CDH12: variants seen among roughly 807,000 people sequenced by gnomAD.
The protein encoded by CDH12 is cadherin 12.
A neutral mutation model predicts 74.1 loss-of-function variants in CDH12; 41 were observed. That is an observed-to-expected ratio of 0.55 (90% confidence interval 0.43 to 0.72). CDH12 has a LOEUF of 0.72. Among genes scored for constraint, CDH12 ranks in the 30% least tolerant of loss-of-function variants. The pLI is 0.00. For missense variants in CDH12, 945 were observed against 977.2 expected (o/e 0.97, Z 0.44); for synonymous variants, 399 against 355.0 (o/e 1.12, Z -1.39).
chr5:22,689,511 A>T (rs1741973330), intron 1 of CDH12, among the ~76,000 whole-genome samples: 1 of 152,172 alleles, frequency 6.6e-6, no homozygotes, highest in Admixed American at 6.6e-5. Flanking sequence ...TAAAATTGGA[A>T]GATCCTTCCC....
intron 2 of CDH12, among the ~76,000 whole-genome samples, chr5:22,443,165 G>A (rs1018083327): frequency 3.3e-5 from 5 of 152,132 alleles, no homozygotes; most frequent in Admixed American, 2.0e-4. Context: ...CAAAGTAAGA[G>A]TCTAGATAAA....
At chr5:22,561,107 G>A (rs1739028371) in intron 1 of CDH12, among the ~76,000 whole-genome samples, 1 of 151,954 alleles carries the variant, frequency 6.6e-6, no homozygotes, top group South Asian at 2.1e-4. Flanking sequence ...GAAAAATAAA[G>A]GTTTTGAACT....
intron 5 of CDH12, among the ~76,000 whole-genome samples, chr5:22,011,483 G>A (rs1261139287): frequency 6.6e-6 from 1 of 152,128 alleles, no homozygotes; most frequent in African/African-American, 2.4e-5. Context: ...CAAAACAATT[G>A]TGTGTATGTC....
At chr5:22,564,752 T>A (rs1300115218) in intron 1 of CDH12, among the ~76,000 whole-genome samples, 4 of 152,214 alleles carry the variant, frequency 2.6e-5, no homozygotes, top group African/African-American at 9.6e-5. Flanking sequence ...TAACTTTGTT[T>A]CACTGTGTGC....
Position 22,220,501 on chromosome 5 carries a change from A to G in CDH12, c.-332-7858T>C, listed in dbSNP as rs1166799165. ...ATACATTTTTAAAGGAAGATTATTC[A>G]TCATGAGAAACTAAATTTTTTTTTC... is the stretch of plus-strand genomic sequence containing the variant. On this transcript the variant is annotated intron_variant, in intron 3 of 14. Transcript: ENST00000382254. Among the ~76,000 whole-genome samples, 7 of 151,740 alleles carry G rather than the reference A, an allele frequency of 4.6e-5. No homozygotes were observed. In the East Asian group the frequency reaches 1.3e-3, roughly 29 times the overall value.
At chr5:21,930,155 G>C (rs946953965) in intron 6 of CDH12, among the ~76,000 whole-genome samples, 2 of 152,160 alleles carry the variant, frequency 1.3e-5, no homozygotes, top group Non-Finnish European at 2.9e-5. Context: ...TGGACAAAGA[G>C]GGCTGGCTTC....
chr5:22,239,753 T>C (rs560374008), intron 3 of CDH12, among the ~76,000 whole-genome samples: 13 of 152,332 alleles, frequency 8.5e-5, no homozygotes, highest in African/African-American at 2.6e-4. Context: ...CAAATTACTA[T>C]ATCAAGTAGT....
Position 21,876,554 on chromosome 5 carries a change from C to G in CDH12, c.527-21764G>C, listed in dbSNP as rs192476331. On this transcript the variant is annotated intron_variant, in intron 6 of 14. Coordinates refer to ENST00000382254, the MANE Select transcript of CDH12 (RefSeq NM_004061.5). ...CATCTGGTATAGTCTCTTTCATTGACTAAACATTTCTACAATGTTTTCCTT... is the reference window on the plus strand; with the variant it reads ...CATCTGGTATAGTCTCTTTCATTGAGTAAACATTTCTACAATGTTTTCCTT... 1.1e-3 allele frequency among the ~76,000 whole-genome samples: 163 copies of G among 152,326 alleles called. 1 individual carries two copies. The highest frequency in any genetic ancestry group is 9.8e-3 in the Admixed American group (150 of 15,308).
At chr5:22,781,151 G>A (rs1747366249) in intron 1 of CDH12, among the ~76,000 whole-genome samples, 1 of 152,094 alleles carries the variant, frequency 6.6e-6, no homozygotes, top group African/African-American at 2.4e-5. Flanking sequence ...TATAAAGTGT[G>A]CATTCCAATT....
chr5:22,340,791 G>A (rs1023759823), intron 3 of CDH12, among the ~76,000 whole-genome samples: 5 of 151,974 alleles, frequency 3.3e-5, no homozygotes, highest in Admixed American at 1.3e-4. Flanking sequence ...TCTCTGGGAG[G>A]TTTTCCTTCT....
intron 4 of CDH12, among the ~76,000 whole-genome samples, chr5:22,161,760 A>G (rs1361525089): frequency 1.3e-5 from 2 of 152,156 alleles, no homozygotes; most frequent in Non-Finnish European, 2.9e-5. Flanking sequence ...GGAAAAGAAA[A>G]AAATCCAAAC....
intron 5 of CDH12, among the ~76,000 whole-genome samples, chr5:22,031,804 T>A (rs2150173726): frequency 6.6e-6 from 1 of 152,134 alleles, no homozygotes; most frequent in East Asian, 1.9e-4. Context: ...ATGGGCACAG[T>A]TTATGGAGCC....
chr5:22,057,488 T>C (rs1301916481), intron 5 of CDH12, among the ~76,000 whole-genome samples: 2 of 152,044 alleles, frequency 1.3e-5, no homozygotes, highest in Non-Finnish European at 2.9e-5. Context: ...AGATTCTTTA[T>C]CCAAACTCAA....
intron 6 of CDH12, among the ~76,000 whole-genome samples, chr5:21,953,293 T>C (rs1755948159): frequency 6.6e-6 from 1 of 152,162 alleles, no homozygotes; most frequent in Non-Finnish European, 1.5e-5. Flanking sequence ...AACCCACTTA[T>C]GACGTACAAG....
At chr5:22,706,383 T>C (rs1015270902) in intron 1 of CDH12, among the ~76,000 whole-genome samples, 2 of 152,100 alleles carry the variant, frequency 1.3e-5, no homozygotes, top group African/African-American at 4.8e-5. Context: ...CATAATTCAT[T>C]CATAAATCAT....
At chr5:22,553,003 A>C (rs1738644241) in intron 1 of CDH12, among the ~76,000 whole-genome samples, 1 of 152,152 alleles carries the variant, frequency 6.6e-6, no homozygotes, top group Non-Finnish European at 1.5e-5. Context: ...TGTATCTTTT[A>C]ATGGGTAGGC....
At chr5:22,600,195 A>T (rs1736790780) in intron 1 of CDH12, among the ~76,000 whole-genome samples, 1 of 152,148 alleles carries the variant, frequency 6.6e-6, no homozygotes, top group Non-Finnish European at 1.5e-5. Context: ...TATTATAAGC[A>T]TTAAATAAGT....
intron 6 of CDH12, among the ~76,000 whole-genome samples, chr5:21,897,875 C>T (rs943724280): frequency 1.3e-5 from 2 of 152,066 alleles, no homozygotes; most frequent in Non-Finnish European, 2.9e-5. Flanking sequence ...ATTTTAAAGG[C>T]TTCTACACTG....
At chr5:22,043,652 T>A (rs1330059785) in intron 5 of CDH12, among the ~76,000 whole-genome samples, 3 of 150,934 alleles carry the variant, frequency 2.0e-5, no homozygotes, top group Admixed American at 1.3e-4. Context: ...ACATTCACTG[T>A]CCCTGTTTGC....
Sources: allele counts gnomAD v4.1 joint callset (sites outside exome capture counted in the v4.1 genomes callset), GRCh38; gene constraint gnomAD v4.1.1; transcripts MANE v1.5; gene names NCBI Gene and HGNC (gene_info 2026-07-23, HGNC 2026-07-21).